Variants in PPP2R2B observed in about 807,000 individuals in gnomAD.
PPP2R2B encodes the protein protein phosphatase 2 regulatory subunit Bbeta.
A neutral mutation model predicts 46.0 loss-of-function variants in PPP2R2B; 5 were observed. The ratio of observed to expected loss-of-function variants is 0.11; its 90% CI spans 0.06 to 0.23. PPP2R2B has a LOEUF of 0.23. Among genes scored for constraint, PPP2R2B ranks in the 10% least tolerant of loss-of-function variants. PPP2R2B has a pLI of 1.00. For synonymous variants in PPP2R2B, 215 were observed against 206.7 expected, an observed-to-expected ratio of 1.04 and a Z score of -0.34; for missense variants, 367 against 575.0, an observed-to-expected ratio of 0.64 and a Z score of 3.70.
chr5:146,966,159 G>T (rs568099467), intron 1 of PPP2R2B, among the ~76,000 whole-genome samples: 22 of 152,172 alleles, frequency 1.4e-4, no homozygotes, highest in African/African-American at 5.3e-4. Context: ...CTTAGCTAAT[G>T]GTCCTTTGGC....
chr5:146,674,350 G>C (rs1318068575), intron 5 of PPP2R2B, among the ~76,000 whole-genome samples: 1 of 152,164 alleles, frequency 6.6e-6, no homozygotes, highest in Non-Finnish European at 1.5e-5. Context: ...TCTCTCCCAT[G>C]ACGATTTCAA....
chr5:147,009,049 C>T (rs1171769863), intron 1 of PPP2R2B, among the ~76,000 whole-genome samples: 2 of 152,116 alleles, frequency 1.3e-5, no homozygotes, highest in Non-Finnish European at 2.9e-5. Context: ...AAATCCATTG[C>T]TGCATTACTT....
intron 1 of PPP2R2B, among the ~76,000 whole-genome samples, chr5:146,908,505 C>T (rs562751511): frequency 3.2e-4 from 48 of 150,028 alleles, no homozygotes; most frequent in African/African-American, 1.2e-3. Context: ...GGCCTAGCTA[C>T]GTAATAAAGA....
At chr5:146,832,205 CTT>C (rs1219853152) in intron 2 of PPP2R2B, among the ~76,000 whole-genome samples, 1 of 151,832 alleles carries the variant, frequency 6.6e-6, no homozygotes, top group Non-Finnish European at 1.5e-5. Context: ...TGAAGAAAGA[CTT>C]TTAAAAAATA....
chr5:147,050,395 G>A (rs559015950), intron 1 of PPP2R2B, among the ~76,000 whole-genome samples: 1 of 152,214 alleles, frequency 6.6e-6, no homozygotes, highest in African/African-American at 2.4e-5. Flanking sequence ...GACGTGGGCT[G>A]TGAAGAGTGG....
At chr5:146,893,363 A>G (rs1233054260) in intron 1 of PPP2R2B, among the ~76,000 whole-genome samples, 1 of 152,212 alleles carries the variant, frequency 6.6e-6, no homozygotes, top group Non-Finnish European at 1.5e-5. Flanking sequence ...TAATAAATGC[A>G]TGGATTAAGA....
intron 1 of PPP2R2B, among the ~76,000 whole-genome samples, chr5:147,012,452 A>G (rs1561576100): frequency 6.6e-6 from 1 of 152,026 alleles, no homozygotes; most frequent in Admixed American, 6.6e-5. Flanking sequence ...TATTGCGTCT[A>G]TTAGATTCTT....
chr5:146,778,531 C>T (rs115729780), intron 2 of PPP2R2B, among the ~76,000 whole-genome samples: 2,658 of 152,224 alleles, frequency 0.017, 21 homozygotes, highest in Non-Finnish European at 0.028. Flanking sequence ...TTGATTTTTT[C>T]ATCCTAGGGA....
chr5:146,638,267 A>G lies in PPP2R2B; in HGVS notation c.774T>C (p.Cys258=). ...GCTACTCACATTTGGTGTGCCTGTC[A>G]CACAGGGCAGATGCCCGCATGTCAC... The part of the protein sequence containing the change: ...RLCDMRASAL[C]DRHTKFFEEP... Residue 258 remains cysteine, a synonymous_variant, in exon 7 of 10, where the codon TGT becomes TGC. Coordinates refer to ENST00000394411, the MANE Select transcript of PPP2R2B (RefSeq NM_181675.4). 1 of 1,613,554 alleles carries G rather than the reference A, an allele frequency of 6.2e-7. No homozygotes were observed. The highest frequency in any genetic ancestry group is 1.3e-5 in the African/African-American group (1 of 75,030).
intron 2 of PPP2R2B, among the ~76,000 whole-genome samples, chr5:146,835,673 A>G (rs937077710): frequency 7.2e-5 from 11 of 152,162 alleles, no homozygotes; most frequent in African/African-American, 2.7e-4. Context: ...CCTGGGCCAG[A>G]CAGACCCAGG....
chr5:147,035,195 G>C (rs1270639243), intron 1 of PPP2R2B: 1 of 446,326 alleles, frequency 2.2e-6, no homozygotes, highest in Non-Finnish European at 4.5e-6. Context: ...GGAGGTCTCA[G>C]GAAACTTACA....
chr5:147,055,842 A>G, exon 1 of PPP2R2B: 1 of 1,498,900 alleles, frequency 6.7e-7, no homozygotes, highest in Non-Finnish European at 8.9e-7. Context: ...CAATATGTTT[A>G]TGTAGGTTCT....
At chr5:147,004,261 C>A (rs1163442003) in intron 1 of PPP2R2B, among the ~76,000 whole-genome samples, 1 of 138,966 alleles carries the variant, frequency 7.2e-6, no homozygotes, top group Non-Finnish European at 1.5e-5. Context: ...CCGAGGCAAT[C>A]ACTAGAAGAC....
At chr5:146,891,768 T>C (rs2151428846) in intron 1 of PPP2R2B, among the ~76,000 whole-genome samples, 1 of 152,282 alleles carries the variant, frequency 6.6e-6, no homozygotes, top group South Asian at 2.1e-4. Context: ...TGAGAATAGC[T>C]TTGACAGATA....
chr5:146,766,918 G>A (rs1373784464), intron 2 of PPP2R2B, among the ~76,000 whole-genome samples: 8 of 151,906 alleles, frequency 5.3e-5, no homozygotes. Context: ...GCCAGGTGAG[G>A]TGGCGCATGC....
chr5:146,733,191 T>A lies in PPP2R2B; in HGVS notation c.71-32049A>T, dbSNP rs139844362. ...GGTTACTCATATTCTTCCCTAAATA[T>A]GCAAGTAACCCACTCAGTGCAAGTT... On this transcript the variant is annotated intron_variant, in intron 2 of 9. Coordinates refer to ENST00000394411, the MANE Select transcript of PPP2R2B (RefSeq NM_181675.4). Among the ~76,000 whole-genome samples, 10 of 152,340 alleles carry A rather than the reference T, an allele frequency of 6.6e-5. 1 individual carries two copies. In the East Asian group the frequency reaches 1.9e-3, roughly 29 times the overall value.
chr5:146,700,836 A>C (rs536981643), intron 3 of PPP2R2B, among the ~76,000 whole-genome samples: 4 of 152,194 alleles, frequency 2.6e-5, no homozygotes, highest in Non-Finnish European at 5.9e-5. Context: ...CCAGGCGTAG[A>C]AAGATAAGGC....
chr5:146,871,530 A>G (rs1445184599), intron 2 of PPP2R2B, among the ~76,000 whole-genome samples: 1 of 152,240 alleles, frequency 6.6e-6, no homozygotes, highest in Non-Finnish European at 1.5e-5. Context: ...GAAGAAATCT[A>G]CAGGAGTAAG....
intron 2 of PPP2R2B, among the ~76,000 whole-genome samples, chr5:146,789,555 A>G (rs1243116263): frequency 6.6e-6 from 1 of 152,134 alleles, no homozygotes; most frequent in Non-Finnish European, 1.5e-5. Flanking sequence ...TGATTTACGC[A>G]AAGACATTTA....
Sources: gnomAD v4.1 joint callset for allele counts (sites outside exome capture counted in the v4.1 genomes callset) on GRCh38, gnomAD v4.1.1 for gene constraint, MANE v1.5 for transcripts, NCBI Gene and HGNC (gene_info 2026-07-23, HGNC 2026-07-21) for gene names.